Variants in TIMM23B observed in about 807,000 individuals in gnomAD.
TIMM23B encodes translocase of inner mitochondrial membrane 23 homolog B.
TIMM23B carries 27 observed loss-of-function variants against 27.3 expected under a neutral mutation model. The observed-to-expected ratio is 0.99, with a 90% CI of 0.73 to 1.36. TIMM23B has a LOEUF of 1.36. TIMM23B is among the 40% of genes most tolerant of loss of function. The pLI, the probability that TIMM23B is intolerant of heterozygous loss-of-function variation, is 0.00. For missense variants in TIMM23B, 205 were observed against 244.2 expected (o/e 0.84, Z 1.07); for synonymous variants, 73 against 92.4 (o/e 0.79, Z 1.21).
At position 49,968,994 on chromosome 10, in the gene TIMM23B, C is replaced by T. The variant is rs1061905; in HGVS notation, c.515-4018C>T. On this transcript the variant is annotated intron_variant, in intron 6 of 6. Coordinates refer to ENST00000651259, the MANE Select transcript of TIMM23B (RefSeq NM_001290117.2). ...ATTTTAAATGAAACAAGTTCCATTA[C>T]GTGCTTATTGCTGAAGGTATAATTC... is the stretch of plus-strand genomic sequence containing the variant. 2.0e-5 allele frequency among the ~76,000 whole-genome samples: 3 copies of T among 152,150 alleles called. No homozygotes were observed. In the East Asian group the frequency reaches 5.8e-4, roughly 29 times the overall value.
chr10:49,967,746 A>G (rs1840227412), intron 6 of TIMM23B, among the ~76,000 whole-genome samples: 1 of 151,930 alleles, frequency 6.6e-6, no homozygotes, highest in Admixed American at 6.6e-5. Context: ...ATTTCTTTTG[A>G]CAATATCAAA....
At chr10:49,971,367 C>T (rs1840440689) in intron 6 of TIMM23B, among the ~76,000 whole-genome samples, 1 of 151,562 alleles carries the variant, frequency 6.6e-6, no homozygotes, top group Non-Finnish European at 1.5e-5. Flanking sequence ...AGAACATCTG[C>T]CCCAGAACTG....
intron 6 of TIMM23B, among the ~76,000 whole-genome samples, chr10:49,966,550 G>A (rs1840169523): frequency 6.6e-6 from 1 of 152,090 alleles, no homozygotes; most frequent in African/African-American, 2.4e-5. Context: ...GAAATGCTGG[G>A]TGTGGTGGCT....
intron 5 of TIMM23B, among the ~76,000 whole-genome samples, chr10:49,957,903 G>A (rs1839778545): frequency 6.6e-6 from 1 of 152,222 alleles, no homozygotes; most frequent in African/African-American, 2.4e-5. Context: ...ATTCTCCTTG[G>A]CCTTTCTGTG....
intron 2 of TIMM23B, among the ~76,000 whole-genome samples, chr10:49,949,297 G>A (rs1372357757): frequency 2.7e-5 from 4 of 148,718 alleles, no homozygotes; most frequent in African/African-American, 7.5e-5. Context: ...TCTTGTTTGC[G>A]TTAAGTGTTC....
rs1306285220 is a variant in TIMM23B, at chr10:49,961,204, A to G, written c.514+2724A>G. On this transcript the variant is annotated intron_variant, in intron 6 of 6. Coordinates refer to ENST00000651259, the MANE Select transcript of TIMM23B (RefSeq NM_001290117.2). ...TTCGAGACCAGCCTGACCAACATAG[A>G]GAAATCCGGTCTCCACTAAAAATAC... Among the ~76,000 whole-genome samples the G allele has an allele frequency of 1.4e-3, 212 of 149,140 alleles. 1 individual carries two copies. Among genetic ancestry groups the G allele is most frequent in the Non-Finnish European group, 1.1e-3 (72 of 67,036 alleles).
chr10:49,945,240 G>A, intron 2 of TIMM23B, 150 bp downstream of exon 2: 1 of 650,250 alleles, frequency 1.5e-6, no homozygotes, highest in Non-Finnish European at 2.7e-6. Context: ...AACACCAGGA[G>A]CTTGGCCTGC....
chr10:49,950,359 T>C (rs1809488105), intron 2 of TIMM23B, among the ~76,000 whole-genome samples: 1 of 151,042 alleles, frequency 6.6e-6, no homozygotes, highest in African/African-American at 2.4e-5. Context: ...AAATCTTCTA[T>C]ACATTCAGTA....
In TIMM23B at chr10:49,974,419, G is replaced by GT. The variant is rs1240672284; in HGVS notation, c.*1360dup. The GT allele has an allele frequency of 1.3e-5, 2 of 149,692 alleles. No individual in the cohort carries two copies. Among genetic ancestry groups the GT allele is most frequent in the African/African-American group, 4.9e-5 (2 of 40,426 alleles). 9.3% of individuals were successfully genotyped at this position (149,692 alleles called of 1,614,324 possible). The stretch of plus-strand genomic sequence containing the variant: ...TGCGGATTAAATATCCACTATCCAT[G>GT]TTTTTCCAAGTCTTACAGTAGAAAG... On this transcript the variant is annotated 3_prime_UTR_variant, in exon 7 of 7. Coordinates refer to ENST00000651259, the MANE Select transcript of TIMM23B (RefSeq NM_001290117.2).
chr10:49,965,530 T>G, intron 6 of TIMM23B, among the ~76,000 whole-genome samples: 1 of 139,138 alleles, frequency 7.2e-6, no homozygotes, highest in South Asian at 2.3e-4. Context: ...ATGAAACAAA[T>G]GAAATGAAAT....
chr10:49,968,584 C>T (rs1554855853), intron 6 of TIMM23B, among the ~76,000 whole-genome samples: 1 of 152,246 alleles, frequency 6.6e-6, no homozygotes, highest in African/African-American at 2.4e-5. Context: ...TCTGTAATCC[C>T]AGCACTTTGG....
At chr10:49,963,353 G>GA (rs1839989251) in intron 6 of TIMM23B, among the ~76,000 whole-genome samples, 1 of 151,732 alleles carries the variant, frequency 6.6e-6, no homozygotes, top group African/African-American at 2.4e-5. Flanking sequence ...ATAATAAAAT[G>GA]AATAATGAAT....
At chr10:49,970,094 C>T (rs1840359667) in intron 6 of TIMM23B, 1 of 158,058 alleles carries the variant, frequency 6.3e-6, no homozygotes, top group Non-Finnish European at 1.4e-5. Flanking sequence ...TCACTCAGTG[C>T]TCAATGTTGC....
At chr10:49,952,570 G>C in intron 4 of TIMM23B, 37 bp downstream of exon 4, 1 of 1,609,822 alleles carries the variant, frequency 6.2e-7, no homozygotes, top group Non-Finnish European at 8.5e-7. Context: ...AGTGATACTT[G>C]AATATTAAGC....
At chr10:49,943,972 T>A (rs1470961301) in intron 1 of TIMM23B, among the ~76,000 whole-genome samples, 1,771 of 152,210 alleles carry the variant, frequency 0.012, 35 homozygotes, top group African/African-American at 0.04. Flanking sequence ...ACAGTACAAA[T>A]GCTTGGGAGG....
chr10:49,950,905 A>G (rs1240935093), intron 2 of TIMM23B, among the ~76,000 whole-genome samples: 191 of 152,190 alleles, frequency 1.3e-3, no homozygotes, highest in Middle Eastern at 6.8e-3. Flanking sequence ...TTTTCTTCTC[A>G]GCAACCATGG....
At chr10:49,952,691 A>T (rs1444236600) in intron 4 of TIMM23B, among the ~76,000 whole-genome samples, 158 bp downstream of exon 4, 13 of 150,072 alleles carry the variant, frequency 8.7e-5, no homozygotes, top group Non-Finnish European at 4.4e-5. Flanking sequence ...GCAACTAAGG[A>T]ATCAGATTAC....
intron 1 of TIMM23B, 25 bp from the exon 2 acceptor site, chr10:49,945,007 A>T (rs1195402859): frequency 4.4e-5 from 69 of 1,557,376 alleles, no homozygotes; most frequent in Non-Finnish European, 5.8e-5. Flanking sequence ...TTTTGTTGCA[A>T]TGTGACATTT....
At chr10:49,967,540 G>C (rs1420564705) in intron 6 of TIMM23B, among the ~76,000 whole-genome samples, 4 of 149,384 alleles carry the variant, frequency 2.7e-5, no homozygotes, top group Admixed American at 2.7e-4. Flanking sequence ...GGAATTCTGG[G>C]TCAGCAGATT....
Sources: allele counts gnomAD v4.1 joint callset (sites outside exome capture counted in the v4.1 genomes callset), GRCh38; gene constraint gnomAD v4.1.1; transcripts MANE v1.5; gene names NCBI Gene and HGNC (gene_info 2026-07-23, HGNC 2026-07-21).